ACTR3C: variants seen among roughly 807,000 people sequenced by gnomAD.
ACTR3C encodes actin-related protein 3C.
Under a neutral mutation model 26.3 loss-of-function variants are expected in ACTR3C, and 18 were observed. That is an observed-to-expected ratio of 0.68 (90% CI 0.47 to 1.01). The LOEUF (loss-of-function observed/expected upper bound fraction) is 1.01, where lower values mean the gene tolerates loss of function less well. ACTR3C is among the 50% of genes least tolerant of loss of function. The probability of loss-of-function intolerance (pLI) is 0.00; values close to 1 mark genes in which losing one functional copy is unlikely to be tolerated. For synonymous variants in ACTR3C, 55 were observed against 94.5 expected (o/e 0.58, Z 2.42); for missense variants, 184 against 250.7 (o/e 0.73, Z 1.80).
chr7:150,069,871 G>A, the ACTR3C span, among the ~76,000 whole-genome samples: 1 of 150,602 alleles, frequency 6.6e-6, no homozygotes, highest in Non-Finnish European at 1.5e-5. Flanking sequence ...GGCTGTGTGA[G>A]TAGTCACCAG....
intron 6 of ACTR3C, among the ~76,000 whole-genome samples, chr7:150,271,229 T>C (rs1243175215): frequency 6.9e-6 from 1 of 143,988 alleles, no homozygotes; most frequent in African/African-American, 2.9e-5. Context: ...GGGGTACATG[T>C]GCAGAACGTG....
At chr7:150,043,519 T>A in the ACTR3C span, among the ~76,000 whole-genome samples, 4 of 152,232 alleles carry the variant, frequency 2.6e-5, no homozygotes, top group East Asian at 7.7e-4. Flanking sequence ...AACAGTAATA[T>A]TAGTAACAGC....
the ACTR3C span, among the ~76,000 whole-genome samples, chr7:150,058,365 C>T: frequency 3.3e-4 from 50 of 152,290 alleles, no homozygotes; most frequent in African/African-American, 1.1e-3. Context: ...TGGTTGCCCC[C>T]GTGCTGCACC....
the ACTR3C span, among the ~76,000 whole-genome samples, chr7:149,965,187 A>T: frequency 0.012 from 1,706 of 147,204 alleles, 37 homozygotes; most frequent in African/African-American, 0.04. Context: ...ACATTTACAA[A>T]TCAGAGTTGA....
the ACTR3C span, among the ~76,000 whole-genome samples, chr7:149,937,201 TA>T: frequency 0.94 from 80,090 of 85,110 alleles, 38,190 homozygotes; most frequent in East Asian, 1. Context: ...CGCTTTGTGC[TA>T]CAAATTCTTT....
the ACTR3C span, among the ~76,000 whole-genome samples, chr7:150,035,310 G>A: frequency 1.3e-4 from 8 of 61,630 alleles, 2 homozygotes; most frequent in Non-Finnish European, 2.9e-4. Flanking sequence ...CCTTGCGATG[G>A]GGGTACCAAC....
chr7:150,149,051 C>T, the ACTR3C span, among the ~76,000 whole-genome samples: 1 of 138,516 alleles, frequency 7.2e-6, no homozygotes, highest in African/African-American at 2.7e-5. Context: ...TTTTAATATG[C>T]ACTCTCTTGG....
chr7:150,152,996 AT>A, the ACTR3C span, among the ~76,000 whole-genome samples: 2 of 152,052 alleles, frequency 1.3e-5, no homozygotes, highest in Non-Finnish European at 2.9e-5. Context: ...CCCCTTTATC[AT>A]TTTTTATTGC....
At chr7:150,126,351 C>T in the ACTR3C span, among the ~76,000 whole-genome samples, 4 of 152,230 alleles carry the variant, frequency 2.6e-5, no homozygotes, top group Non-Finnish European at 2.9e-5. Flanking sequence ...ATTGCAGGCT[C>T]TGAAAGCTGA....
chr7:150,048,887 C>A, the ACTR3C span, among the ~76,000 whole-genome samples: 4 of 152,044 alleles, frequency 2.6e-5, no homozygotes, highest in Non-Finnish European at 4.4e-5. Flanking sequence ...GGAAAGGTCG[C>A]GGGGCGGCAG....
chr7:150,121,249 G>A, the ACTR3C span, among the ~76,000 whole-genome samples: 2 of 152,208 alleles, frequency 1.3e-5, no homozygotes, highest in Non-Finnish European at 2.9e-5. Context: ...GCAAGAGAAA[G>A]AAATAAAGCA....
At chr7:150,048,487 G>T in the ACTR3C span, among the ~76,000 whole-genome samples, 1 of 152,148 alleles carries the variant, frequency 6.6e-6, no homozygotes, top group Non-Finnish European at 1.5e-5. Flanking sequence ...GGGTGCGGGG[G>T]CGGTGGGGGA....
chr7:150,169,556 G>A, the ACTR3C span, among the ~76,000 whole-genome samples: 3 of 150,220 alleles, frequency 2.0e-5, no homozygotes, highest in Non-Finnish European at 2.9e-5. Context: ...CCAGAACTGT[G>A]GGAAAAAAAT....
chr7:150,023,833 C>T, the ACTR3C span, among the ~76,000 whole-genome samples: 54,708 of 133,686 alleles, frequency 0.41, 12,399 homozygotes, highest in Non-Finnish European at 0.48. Context: ...GCACGGCCGA[C>T]ACTTAAGTGA....
the ACTR3C span, among the ~76,000 whole-genome samples, chr7:150,028,079 T>C: frequency 3.3e-5 from 5 of 152,400 alleles, no homozygotes; most frequent in African/African-American, 9.6e-5. Flanking sequence ...GTCCTCTTAA[T>C]TGATTTTTTG....
At chr7:150,038,499 G>T in the ACTR3C span, among the ~76,000 whole-genome samples, 1 of 143,818 alleles carries the variant, frequency 7.0e-6, no homozygotes, top group Admixed American at 6.7e-5. Context: ...ACAAAGGCTT[G>T]GCTAATACTG....
At chr7:150,092,018 A>AAAAAAG in the ACTR3C span, among the ~76,000 whole-genome samples, 1 of 141,674 alleles carries the variant, frequency 7.1e-6, no homozygotes, top group African/African-American at 2.6e-5. Context: ...AAAAAAAAAA[A>AAAAAAG]AAAAGAAATA....
intron 1 of ACTR3C, among the ~76,000 whole-genome samples, chr7:150,300,317 A>C (rs4725882): frequency 6.6e-6 from 1 of 152,074 alleles, no homozygotes; most frequent in Admixed American, 6.6e-5. Flanking sequence ...GTGCCACTGC[A>C]CTCCAGCCTG....
At chr7:150,037,776 T>C in the ACTR3C span, among the ~76,000 whole-genome samples, 80 of 25,568 alleles carry the variant, frequency 3.1e-3, no homozygotes, top group East Asian at 9.1e-3. Context: ...TGCCTCCCCC[T>C]CCTGCGATGG....
Sources: allele counts gnomAD v4.1 joint callset (sites outside exome capture counted in the v4.1 genomes callset), GRCh38; gene constraint gnomAD v4.1.1; transcripts MANE v1.5; gene names NCBI Gene and HGNC (gene_info 2026-07-23, HGNC 2026-07-21).